Variants in TRPV4 observed in about 807,000 individuals in gnomAD.
TRPV4 encodes the protein transient receptor potential cation channel subfamily V member 4, also known as OSM9-like transient receptor potential channel 4.
In TRPV4, 58 loss-of-function variants were observed where a neutral mutation model predicts 84.1. The observed-to-expected ratio is 0.69, with a 90% CI of 0.56 to 0.86. The LOEUF is 0.86. Ranked by LOEUF, TRPV4 falls within the 40% of genes least tolerant of loss-of-function variation. The pLI is 0.00. For synonymous variants in TRPV4, 489 were observed against 500.9 expected (o/e 0.98, Z 0.32); for missense variants, 879 against 1,181.1 (o/e 0.74, Z 3.75).
intron 1 of TRPV4, among the ~76,000 whole-genome samples, chr12:109,831,470 G>A (rs1892407354): frequency 6.6e-6 from 1 of 152,208 alleles, no homozygotes; most frequent in Non-Finnish European, 1.5e-5. Flanking sequence ...GGGGCCACAA[G>A]GGAAAATCCT....
Position 109,786,876 on chromosome 12 carries a change from T to C in TRPV4, c.2209-39A>G. 6.2e-7 allele frequency: 1 copy of C among 1,612,276 alleles called. No homozygotes were observed. The highest frequency in any genetic ancestry group is 8.5e-7 in the Non-Finnish European group (1 of 1,179,560). ...GGGTCAGGAGGGACATCGGTGAGCC[T>C]CACAGCCTGCGCCTGCCGCTCTGGT... On this transcript the variant is annotated intron_variant, in intron 13 of 15. Transcript: ENST00000261740. The surrounding 1 kb of genome is among the most constrained non-coding windows in gnomAD (Gnocchi z 4.5).
intron 2 of TRPV4, among the ~76,000 whole-genome samples, chr12:109,811,271 C>T (rs74985541): frequency 0.052 from 7,910 of 152,292 alleles, 224 homozygotes; most frequent in Middle Eastern, 0.078. Context: ...ACCCTCTAAA[C>T]GGAAAGTGCC....
intron 10 of TRPV4, 133 bp from the exon 11 acceptor site, chr12:109,792,950 A>G: frequency 1.2e-6 from 1 of 857,106 alleles, no homozygotes; most frequent in Non-Finnish European, 1.8e-6. Flanking sequence ...CAGAAAAGAA[A>G]CAAAGTGGAT....
chr12:109,821,122 G>A (rs370336306), intron 1 of TRPV4, among the ~76,000 whole-genome samples: 117 of 152,390 alleles, frequency 7.7e-4, no homozygotes, highest in Non-Finnish European at 1.3e-3. Flanking sequence ...AAGGAAAGCT[G>A]CTTAAATCTG....
chr12:109,797,412 C>A (rs1050249537), intron 6 of TRPV4, among the ~76,000 whole-genome samples: 10 of 152,100 alleles, frequency 6.6e-5, no homozygotes, highest in Non-Finnish European at 1.3e-4. Context: ...CCTCGGCCTC[C>A]CAAAGTGCTG....
At chr12:109,810,455 C>G (rs530959988) in intron 2 of TRPV4, among the ~76,000 whole-genome samples, 6 of 152,100 alleles carry the variant, frequency 3.9e-5, no homozygotes, top group Non-Finnish European at 8.8e-5. Flanking sequence ...GCAGGTGGGA[C>G]GGGGTTGCAA....
At chr12:109,799,794 T>C (rs1414376063) in intron 5 of TRPV4, among the ~76,000 whole-genome samples, 1 of 152,092 alleles carries the variant, frequency 6.6e-6, no homozygotes, top group Non-Finnish European at 1.5e-5. Context: ...GGGGTCTTGC[T>C]CTATTTTCCA....
intron 3 of TRPV4, 88 bp from the exon 4 acceptor site, chr12:109,803,231 G>C (rs901426675): frequency 3.3e-6 from 5 of 1,495,038 alleles, no homozygotes; most frequent in South Asian, 1.2e-5. Context: ...CTGGGTAGGG[G>C]GTCAGATGTC....
At chr12:109,806,999 G>A (rs773645898) in intron 3 of TRPV4, among the ~76,000 whole-genome samples, 14 of 151,124 alleles carry the variant, frequency 9.3e-5, no homozygotes, top group Non-Finnish European at 1.9e-4. Flanking sequence ...TCTTCTGGCT[G>A]GGCACAGTGG....
At position 109,786,411 on chromosome 12, in the gene TRPV4, C is replaced by T. The variant is rs763923117; in HGVS notation, c.2336+299G>A. Among the ~76,000 whole-genome samples the T allele has an allele frequency of 6.6e-6, 1 of 152,230 alleles. No homozygotes were observed. The highest frequency in any genetic ancestry group is 6.5e-5 in the Admixed American group (1 of 15,280). ...TGAGCAAGAACAGGGGAGCCTGTGGCGTCCCGATGCGCGTCGGGCACTGGC... is the reference window on the plus strand; with the variant it reads ...TGAGCAAGAACAGGGGAGCCTGTGGTGTCCCGATGCGCGTCGGGCACTGGC... On this transcript the variant is annotated intron_variant, in intron 14 of 15. Coordinates refer to ENST00000261740, the MANE Select transcript of TRPV4 (RefSeq NM_021625.5). This position sits in a 1 kb window ranked among gnomAD's most constrained non-coding sequence, Gnocchi z 4.5.
At chr12:109,820,968 TGGA>T (rs1892077093) in intron 1 of TRPV4, among the ~76,000 whole-genome samples, 1 of 152,208 alleles carries the variant, frequency 6.6e-6, no homozygotes, top group Admixed American at 6.5e-5. Context: ...TCAAAGGCGG[TGGA>T]GGTCTCTGGC....
At chr12:109,828,243 G>C (rs1892320942) in intron 1 of TRPV4, among the ~76,000 whole-genome samples, 1 of 152,214 alleles carries the variant, frequency 6.6e-6, no homozygotes, top group Non-Finnish European at 1.5e-5. Flanking sequence ...CTGTGCGCCT[G>C]GTGTGGTCTC....
chr12:109,821,032 G>A (rs1049063952), intron 1 of TRPV4, among the ~76,000 whole-genome samples: 2 of 152,234 alleles, frequency 1.3e-5, no homozygotes, highest in South Asian at 2.1e-4. Context: ...GCCCATCCTC[G>A]GGGTTACCCG....
chr12:109,812,661 G>T (rs1324251166), intron 2 of TRPV4, among the ~76,000 whole-genome samples: 2 of 151,600 alleles, frequency 1.3e-5, no homozygotes, highest in African/African-American at 4.9e-5. Flanking sequence ...AAGGAAAGAA[G>T]GACAGCAGGC....
chr12:109,788,685 G>C lies in TRPV4; in HGVS notation c.1923C>G (p.Asn641Lys). The C allele has an allele frequency of 1.2e-6, 2 of 1,614,186 alleles. No individual in the cohort carries two copies. The highest frequency in any genetic ancestry group is 1.7e-6 in the Non-Finnish European group (2 of 1,180,048). Reference sequence around the variant, plus strand: ...TCTGGTCCTCATTGCACACCTTCATGTTGGCACACGGGTTCAGGAGGGAGA... The same window carrying C: ...TCTGGTCCTCATTGCACACCTTCATCTTGGCACACGGGTTCAGGAGGGAGA... ...ALVSLLNPCANMKVCNEDQTN... is the reference protein window; with the variant it reads ...ALVSLLNPCAKMKVCNEDQTN... The change falls in exon 13 of 16, where the codon AAC becomes AAG. Residue 641 changes from asparagine (N) to lysine (K), a missense_variant. Around this residue, in one of 4 missense-constraint regions of TRPV4, gnomAD observed 242 missense variants for 355.3 expected, o/e 0.68. Coordinates refer to ENST00000261740, the MANE Select transcript of TRPV4 (RefSeq NM_021625.5).
intron 4 of TRPV4, among the ~76,000 whole-genome samples, chr12:109,801,685 C>G (rs547790869): frequency 1.3e-5 from 2 of 152,126 alleles, no homozygotes; most frequent in East Asian, 3.9e-4. Context: ...TAAAAATTAG[C>G]CTGGCATGGT....
intron 2 of TRPV4, among the ~76,000 whole-genome samples, chr12:109,813,284 G>A (rs1891635006): frequency 6.6e-6 from 1 of 152,056 alleles, no homozygotes; most frequent in Non-Finnish European, 1.5e-5. Flanking sequence ...GTGGTGGCGG[G>A]TGCCTGTAAT....
In TRPV4 at chr12:109,819,834, T is replaced by C. The variant is rs189870502; in HGVS notation, c.-31-5007A>G. On this transcript the variant is annotated intron_variant, in intron 1 of 15. Transcript: ENST00000261740. ...GCCTCGGCCTCCCAAAGTGCTGGAA[T>C]TACAGGCATGAGCCACTGCGCCCAG... 1.2e-3 allele frequency among the ~76,000 whole-genome samples: 185 copies of C among 152,348 alleles called. 1 individual carries two copies. Among genetic ancestry groups the C allele is most frequent in the Non-Finnish European group, 2.5e-3 (168 of 68,034 alleles).
chr12:109,808,235 A>G, intron 3 of TRPV4, 61 bp downstream of exon 3: 1 of 1,596,880 alleles, frequency 6.3e-7, no homozygotes, highest in Non-Finnish European at 8.6e-7. Context: ...GGGGCCCCCA[A>G]TGCCAGGCTT....
Sources: allele counts gnomAD v4.1 joint callset (sites outside exome capture counted in the v4.1 genomes callset), GRCh38; gene constraint gnomAD v4.1.1; regional missense constraint gnomAD v4.1.1; non-coding constraint Gnocchi (gnomAD v3.1); transcripts MANE v1.5; gene names NCBI Gene and HGNC (gene_info 2026-07-23, HGNC 2026-07-21).